Variants in ATP13A4 observed in about 807,000 individuals in gnomAD.
The protein encoded by ATP13A4 is ATPase 13A4.
A neutral mutation model predicts 142.5 loss-of-function variants in ATP13A4; 114 were observed. The ratio of observed to expected loss-of-function variants is 0.80; its 90% confidence interval spans 0.69 to 0.93. ATP13A4 has a LOEUF of 0.93. Among genes scored for constraint, ATP13A4 ranks in the 40% least tolerant of loss-of-function variants. ATP13A4 has a pLI of 0.00. For missense variants in ATP13A4, 1,392 were observed against 1,454.0 expected (o/e 0.96, Z 0.69); for synonymous variants, 488 against 514.8 (o/e 0.95, Z 0.70).
At chr3:193,429,699 G>A (rs1715867615) in intron 25 of ATP13A4, among the ~76,000 whole-genome samples, 1 of 151,736 alleles carries the variant, frequency 6.6e-6, no homozygotes, top group Non-Finnish European at 1.5e-5. Flanking sequence ...AATATATAGT[G>A]GTGATGATTG....
intron 14 of ATP13A4, among the ~76,000 whole-genome samples, chr3:193,458,437 T>A (rs186648157): frequency 3.3e-5 from 5 of 152,320 alleles, no homozygotes; most frequent in Non-Finnish European, 4.4e-5. Flanking sequence ...CATTTTATGG[T>A]CATGAGAGCC....
intron 2 of ATP13A4, among the ~76,000 whole-genome samples, chr3:193,564,907 G>A (rs1724098789): frequency 6.6e-6 from 1 of 152,072 alleles, no homozygotes; most frequent in African/African-American, 2.4e-5. Flanking sequence ...AAACCCTACT[G>A]TGAACTGCAC....
In ATP13A4 at chr3:193,401,420, G is replaced by A. The variant is rs921367353; in HGVS notation, c.*1232C>T. 2.0e-5 allele frequency among the ~76,000 whole-genome samples: 3 copies of A among 152,130 alleles called. No individual in the cohort carries two copies. On this transcript the variant is annotated 3_prime_UTR_variant, in exon 30 of 30. Coordinates refer to ENST00000342695, the MANE Select transcript of ATP13A4 (RefSeq NM_032279.4). Reference sequence around the variant, plus strand: ...AAAAAAAAATGTACTAGTTGTGTAAGAACTCCCATCAATAGTGCCATATAA... The same window carrying A: ...AAAAAAAAATGTACTAGTTGTGTAAAAACTCCCATCAATAGTGCCATATAA...
intron 28 of ATP13A4, among the ~76,000 whole-genome samples, chr3:193,410,234 A>G (rs1714697021): frequency 6.6e-6 from 1 of 152,202 alleles, no homozygotes; most frequent in African/African-American, 2.4e-5. Context: ...ACAGACATTA[A>G]GTATGAACAC....
At chr3:193,544,563 G>A (rs184128413) in intron 1 of ATP13A4, among the ~76,000 whole-genome samples, 1 of 152,282 alleles carries the variant, frequency 6.6e-6, no homozygotes, top group Non-Finnish European at 1.5e-5. Context: ...AGCACAAAGA[G>A]AGACCACTTC....
rs1430695610 is a variant in ATP13A4, at chr3:193,402,699, C to T, written c.3544G>A (p.Val1182Met). 2.3e-6 allele frequency: 3 copies of T among 1,326,052 alleles called. No homozygotes were observed. The highest frequency in any genetic ancestry group is 3.4e-5 in the Admixed American group (2 of 59,666). 82.1% of individuals were successfully genotyped at this position (1,326,052 alleles called of 1,614,324 possible). ...HSDMPECGRG[V>M]SYSNPVFESN... The stretch of plus-strand genomic sequence containing the variant: ...TCAAATACTGGATTGCTGTAAGACA[C>T]TCCTCTGCCACACTCCGGCATGTCA... Residue 1182 changes from valine to methionine, a missense_variant, in exon 30 of 30, where the codon GTG (valine) becomes ATG (methionine). Transcript: ENST00000342695.
chr3:193,414,868 C>T (rs961827062), intron 25 of ATP13A4, 118 bp from the exon 26 acceptor site: 1 of 955,026 alleles, frequency 1.0e-6, no homozygotes, highest in Non-Finnish European at 1.6e-6. Flanking sequence ...TGGAGTACAT[C>T]ACAAACTGAG....
intron 28 of ATP13A4, 136 bp from the exon 29 acceptor site, chr3:193,407,529 T>C (rs954654069): frequency 7.1e-6 from 4 of 564,486 alleles, no homozygotes; most frequent in African/African-American, 5.8e-5. Context: ...ACATATATCT[T>C]ATATATATAA....
At chr3:193,432,764 C>A (rs1249631073) in intron 25 of ATP13A4, among the ~76,000 whole-genome samples, 4 of 151,790 alleles carry the variant, frequency 2.6e-5, no homozygotes, top group Non-Finnish European at 5.9e-5. Flanking sequence ...AAAAGAAAGG[C>A]CAAAACTACT....
intron 13 of ATP13A4, among the ~76,000 whole-genome samples, chr3:193,462,555 G>A (rs1417461943): frequency 1.3e-5 from 2 of 152,198 alleles, no homozygotes; most frequent in African/African-American, 4.8e-5. Flanking sequence ...TGAGTGGCAT[G>A]GGACTGGGTT....
chr3:193,504,166 A>T (rs73198992), intron 2 of ATP13A4, among the ~76,000 whole-genome samples: 47,080 of 152,028 alleles, frequency 0.31, 7,479 homozygotes, highest in Admixed American at 0.38. Context: ...GTGGATTTAA[A>T]AAAAAAGGTG....
At chr3:193,584,653 T>G (rs761843547) in intron 1 of ATP13A4, among the ~76,000 whole-genome samples, 1 of 152,024 alleles carries the variant, frequency 6.6e-6, no homozygotes, top group African/African-American at 2.4e-5. Context: ...TTTTAAAATG[T>G]TTAATGTAAA....
chr3:193,585,469 G>C (rs1329412921), intron 1 of ATP13A4, among the ~76,000 whole-genome samples: 2 of 139,534 alleles, frequency 1.4e-5, no homozygotes, highest in Non-Finnish European at 3.1e-5. Context: ...AAAACATCAG[G>C]TTTGTTTGTG....
At chr3:193,577,784 T>C (rs1724428625) in intron 2 of ATP13A4, among the ~76,000 whole-genome samples, 1 of 152,220 alleles carries the variant, frequency 6.6e-6, no homozygotes, top group South Asian at 2.1e-4. Flanking sequence ...CTTTATCAAA[T>C]AGATCTCTAT....
intron 18 of ATP13A4, among the ~76,000 whole-genome samples, chr3:193,445,343 G>A (rs1484951431): frequency 6.6e-6 from 1 of 152,080 alleles, no homozygotes; most frequent in Non-Finnish European, 1.5e-5. Context: ...GGCTGAGGCA[G>A]GAGAATCACT....
At chr3:193,433,761 C>A in intron 25 of ATP13A4, 84 bp downstream of exon 25, 1 of 953,334 alleles carries the variant, frequency 1.0e-6, no homozygotes, top group Non-Finnish European at 1.7e-6. Flanking sequence ...AGCTGCTGTT[C>A]CTCATGGTAG....
intron 2 of ATP13A4, among the ~76,000 whole-genome samples, chr3:193,580,544 C>T (rs908679763): frequency 1.3e-5 from 2 of 152,104 alleles, no homozygotes; most frequent in African/African-American, 2.4e-5. Flanking sequence ...AGTATACGTA[C>T]TACTAAGAAG....
chr3:193,563,613 G>A (rs1724064164), intron 2 of ATP13A4, among the ~76,000 whole-genome samples: 1 of 152,166 alleles, frequency 6.6e-6, no homozygotes, highest in African/African-American at 2.4e-5. Flanking sequence ...AGCTGTGATT[G>A]TGTAATTGCG....
rs759289242 is a variant in ATP13A4, at chr3:193,470,908, A to C, written c.894T>G (p.Asp298Glu). The C allele has an allele frequency of 2.0e-5, 33 of 1,614,080 alleles. No homozygotes were observed. Among genetic ancestry groups the C allele is most frequent in the Non-Finnish European group, 2.3e-5 (27 of 1,180,048 alleles). ...LTGNKVLMPC[D>E]AVLIEGSCVV... Reference sequence around the variant, plus strand: ...CACAGCTGCCTTCAATCAGAACGGCATCACATGGCATTAGCACTTTGTTCC... The same window carrying C: ...CACAGCTGCCTTCAATCAGAACGGCCTCACATGGCATTAGCACTTTGTTCC... The change falls in exon 9 of 30, where the codon GAT becomes GAG. Residue 298 changes from aspartate to glutamate, a missense_variant. Coordinates refer to ENST00000342695, the MANE Select transcript of ATP13A4 (RefSeq NM_032279.4).
Sources: gnomAD v4.1 joint callset for allele counts (sites outside exome capture counted in the v4.1 genomes callset) on GRCh38, gnomAD v4.1.1 for gene constraint, MANE v1.5 for transcripts, NCBI Gene and HGNC (gene_info 2026-07-23, HGNC 2026-07-21) for gene names.